The following SPRED2 variants were observed in gnomAD, a reference collection of about 807,000 sequenced individuals.
SPRED2 encodes sprouty related EVH1 domain containing 2, also known as sprouty-related, EVH1 domain-containing protein 2.
A neutral mutation model predicts 43.0 loss-of-function variants in SPRED2; 47 were observed. That is an observed-to-expected ratio of 1.09 (90% CI 0.87 to 1.40). The LOEUF (loss-of-function observed/expected upper bound fraction) is 1.40, where lower values mean the gene tolerates loss of function less well. Among genes scored for constraint, SPRED2 ranks in the 40% most tolerant of loss-of-function variants. The pLI is 0.00. For synonymous variants in SPRED2, 225 were observed against 225.7 expected (o/e 1.00, Z 0.03); for missense variants, 561 against 586.4 (o/e 0.96, Z 0.45).
chr2:65,335,332 T>C (rs1250168044), intron 2 of SPRED2, among the ~76,000 whole-genome samples: 1 of 152,210 alleles, frequency 6.6e-6, no homozygotes, highest in Non-Finnish European at 1.5e-5. Context: ...ACAGCTTTTA[T>C]ATCAACCCCA....
intron 1 of SPRED2, among the ~76,000 whole-genome samples, chr2:65,402,290 A>C (rs1328480003): frequency 6.6e-6 from 1 of 151,022 alleles, no homozygotes; most frequent in Admixed American, 6.6e-5. Context: ...AAAAAAAAAA[A>C]AAAAAAAAAA....
chr2:65,312,249 C>T lies in SPRED2; in HGVS notation c.*1252G>A. The T allele has an allele frequency of 1.0e-6, 1 of 985,562 alleles. No individual in the cohort carries two copies. Among genetic ancestry groups the T allele is most frequent in the South Asian group, 4.7e-5 (1 of 21,282 alleles). 61.1% of individuals were successfully genotyped at this position (985,562 alleles called of 1,614,324 possible). ...AGTGGCGAGTCTGGGTTTGGAGTTG[C>T]AGGAGAAAGACACTTAGGCATTGGA... On this transcript the variant is annotated 3_prime_UTR_variant, in exon 6 of 6. Coordinates refer to ENST00000356388, the MANE Select transcript of SPRED2 (RefSeq NM_181784.3).
At chr2:65,427,608 T>C (rs1422831198) in intron 1 of SPRED2, among the ~76,000 whole-genome samples, 1 of 152,250 alleles carries the variant, frequency 6.6e-6, no homozygotes, top group Non-Finnish European at 1.5e-5. Context: ...CTTTGAGGTG[T>C]ATCACAGAAT....
intron 1 of SPRED2, among the ~76,000 whole-genome samples, chr2:65,382,278 G>A (rs563177709): frequency 6.6e-6 from 1 of 152,148 alleles, no homozygotes; most frequent in Non-Finnish European, 1.5e-5. Flanking sequence ...TTTCCAGGAA[G>A]AAGGCTGGTC....
In SPRED2 at chr2:65,314,059, G is replaced by A. The variant is rs761442062; in HGVS notation, c.699C>T (p.His233=). Residue 233 remains histidine (H), a synonymous_variant, in exon 6 of 6, where the codon CAC becomes CAT. Coordinates refer to ENST00000356388, the MANE Select transcript of SPRED2 (RefSeq NM_181784.3). ...CCGGGTACTTGCCCCTGACGGGTGC[G>A]TGCCGGTAATCCTCGTACCCCGTCA... is the stretch of plus-strand genomic sequence containing the variant. The part of the protein sequence containing the change: ...IWMTGYEDYR[H]APVRGKYPDP... The A allele has an allele frequency of 8.1e-6, 13 of 1,614,002 alleles. No individual in the cohort carries two copies. In the Admixed American group the frequency reaches 1.5e-4, roughly 19 times the overall value.
chr2:65,405,291 T>C (rs938002985), intron 1 of SPRED2, among the ~76,000 whole-genome samples: 1 of 152,226 alleles, frequency 6.6e-6, no homozygotes, highest in Non-Finnish European at 1.5e-5. Flanking sequence ...TGAGGTGATA[T>C]ATAGTGATAG....
chr2:65,366,112 C>G (rs539347886), intron 1 of SPRED2, among the ~76,000 whole-genome samples: 1 of 152,266 alleles, frequency 6.6e-6, no homozygotes, highest in East Asian at 1.9e-4. Context: ...AGTCACGCAT[C>G]ATGGGGGTAG....
chr2:65,318,818 T>C (rs1167664089), intron 4 of SPRED2, among the ~76,000 whole-genome samples: 2 of 152,084 alleles, frequency 1.3e-5, no homozygotes, highest in African/African-American at 2.4e-5. Context: ...GGCTAATTTT[T>C]GTATTTTTTG....
chr2:65,367,112 C>T (rs549726062), intron 1 of SPRED2, among the ~76,000 whole-genome samples: 9 of 152,226 alleles, frequency 5.9e-5, no homozygotes, highest in South Asian at 2.1e-4. Context: ...CAGCTGAATT[C>T]GTGTAGGCAT....
rs546454060 is a variant in SPRED2 at position 65,403,412 on chromosome 2, T to G, written c.26+28550A>C. 1.4e-4 allele frequency among the ~76,000 whole-genome samples: 22 copies of G among 152,324 alleles called. No individual in the cohort carries two copies. In the East Asian group the frequency reaches 4.0e-3, roughly 28 times the overall value. On this transcript the variant is annotated intron_variant, in intron 1 of 5. Coordinates refer to ENST00000356388, the MANE Select transcript of SPRED2 (RefSeq NM_181784.3). The stretch of plus-strand genomic sequence containing the variant: ...CCTCGGCCTCCTGAGTAGCTGGGAC[T>G]ACAGGCGTGTGCCACTGCACCTGGA...
rs77218333 is a variant in SPRED2 at position 65,418,488 on chromosome 2, C to G, written c.26+13474G>C. On this transcript the variant is annotated intron_variant, in intron 1 of 5. Coordinates refer to ENST00000356388, the MANE Select transcript of SPRED2 (RefSeq NM_181784.3). ...CTCAAAGACTCAAGACTCACCTTGT[C>G]GGAAGTGAACTCTCCCCTGGCTGGT... is the stretch of plus-strand genomic sequence containing the variant. 3.2e-3 allele frequency among the ~76,000 whole-genome samples: 484 copies of G among 152,262 alleles called. 3 individuals carry two copies. Among genetic ancestry groups the G allele is most frequent in the Non-Finnish European group, 5.5e-3 (371 of 68,018 alleles).
intron 1 of SPRED2, among the ~76,000 whole-genome samples, chr2:65,377,377 A>T (rs901895085): frequency 8.5e-5 from 13 of 152,212 alleles, no homozygotes; most frequent in African/African-American, 2.7e-4. Context: ...AATGATGCAT[A>T]CGTGGTAGCA....
At chr2:65,310,217 AGACGCAAG>A (rs1673031624), downstream of SPRED2, among the ~76,000 whole-genome samples, 1 of 152,096 alleles carries the variant, frequency 6.6e-6, no homozygotes, top group Admixed American at 6.5e-5. Flanking sequence ...GTTAACACTA[AGACGCAAG>A]GCCCCTCCTA....
intron 1 of SPRED2, among the ~76,000 whole-genome samples, chr2:65,363,975 C>A (rs1485778702): frequency 6.6e-6 from 1 of 152,186 alleles, no homozygotes; most frequent in Non-Finnish European, 1.5e-5. Flanking sequence ...CCCTGACTCT[C>A]ACTCTCCCCA....
chr2:65,337,022 A>G (rs11886456), intron 2 of SPRED2, among the ~76,000 whole-genome samples: 48,569 of 151,882 alleles, frequency 0.32, 10,133 homozygotes, highest in African/African-American at 0.59. Flanking sequence ...GCAGGAGAAT[A>G]GCGTGAACCC....
Position 65,310,965 on chromosome 2 carries a change from G to T in SPRED2, c.*2536C>A. The T allele has an allele frequency of 2.0e-6, 2 of 981,682 alleles. No individual in the cohort carries two copies. The highest frequency in any genetic ancestry group is 2.4e-6 in the Non-Finnish European group (2 of 826,222). The allele number at this position is 981,682 out of a possible 1,614,324, so 60.8% of individuals were successfully genotyped here. The stretch of plus-strand genomic sequence containing the variant: ...GAACTAAAATGTACATCATACACTT[G>T]TATATATATTTTTTACACAGAGGTA... On this transcript the variant is annotated 3_prime_UTR_variant, in exon 6 of 6. Coordinates refer to ENST00000356388, the MANE Select transcript of SPRED2 (RefSeq NM_181784.3).
At chr2:65,410,236 C>A (rs534510818) in intron 1 of SPRED2, among the ~76,000 whole-genome samples, 2 of 151,970 alleles carry the variant, frequency 1.3e-5, no homozygotes, top group South Asian at 4.2e-4. Flanking sequence ...GACCTTGTCT[C>A]TTAACTGAAA....
intron 1 of SPRED2, among the ~76,000 whole-genome samples, chr2:65,427,076 AT>A (rs976139142): frequency 3.3e-5 from 5 of 150,978 alleles, no homozygotes; most frequent in East Asian, 3.9e-4. Flanking sequence ...TACTTTTAAG[AT>A]TTTTTTTTCC....
chr2:65,368,911 C>CA (rs1001999160), intron 1 of SPRED2, among the ~76,000 whole-genome samples: 1 of 151,956 alleles, frequency 6.6e-6, no homozygotes, highest in African/African-American at 2.4e-5. Context: ...CCTGTCTCTA[C>CA]AAAAAATACA....
Sources: gnomAD v4.1 joint callset for allele counts (sites outside exome capture counted in the v4.1 genomes callset) on GRCh38, gnomAD v4.1.1 for gene constraint, MANE v1.5 for transcripts, NCBI Gene and HGNC (gene_info 2026-07-23, HGNC 2026-07-21) for gene names.